SLC8A1: variants seen among roughly 807,000 people sequenced by gnomAD.
SLC8A1 encodes sodium/calcium exchanger 1.
SLC8A1 carries 18 observed loss-of-function variants against 68.3 expected under a neutral mutation model. The ratio of observed to expected loss-of-function variants is 0.26; its 90% CI spans 0.18 to 0.39. The LOEUF (loss-of-function observed/expected upper bound fraction) is 0.39. SLC8A1 is among the 10% of genes least tolerant of loss of function. The probability of loss-of-function intolerance (pLI) is 1.00; values close to 1 mark genes in which losing one functional copy is unlikely to be tolerated. For missense variants in SLC8A1, 985 were observed against 1,156.7 expected, an observed-to-expected ratio of 0.85 and a Z score of 2.15; for synonymous variants, 475 against 415.5, an observed-to-expected ratio of 1.14 and a Z score of -1.74.
intron 1 of SLC8A1, among the ~76,000 whole-genome samples, chr2:40,511,335 T>C (rs1422719014): frequency 6.6e-6 from 1 of 152,222 alleles, no homozygotes; most frequent in East Asian, 1.9e-4. Context: ...AGATATGACC[T>C]ATAATTTTTT....
chr2:40,500,411 A>T (rs1705979840), intron 1 of SLC8A1, among the ~76,000 whole-genome samples: 1 of 152,126 alleles, frequency 6.6e-6, no homozygotes, highest in Admixed American at 6.6e-5. Flanking sequence ...AGACAGATTA[A>T]CTTATTAAAA....
At chr2:40,414,959 A>G (rs1027061985) in intron 2 of SLC8A1, among the ~76,000 whole-genome samples, 2 of 152,196 alleles carry the variant, frequency 1.3e-5, no homozygotes, top group African/African-American at 4.8e-5. Context: ...AAGGCCACAG[A>G]CAGATTTATG....
intron 1 of SLC8A1, among the ~76,000 whole-genome samples, chr2:40,449,168 C>CA (rs374200670): frequency 7.3e-6 from 1 of 137,640 alleles, no homozygotes; most frequent in African/African-American, 2.6e-5. Context: ...AAACAAAAAA[C>CA]AAAAAACAAC....
intron 2 of SLC8A1, among the ~76,000 whole-genome samples, chr2:40,307,947 CAGG>C (rs1371241960): frequency 3.3e-5 from 5 of 151,576 alleles, no homozygotes; most frequent in African/African-American, 7.3e-5. Flanking sequence ...TCATGAAGAG[CAGG>C]AGAAGAAGAC....
At chr2:40,242,620 ACTT>A (rs1200905642) in intron 2 of SLC8A1, among the ~76,000 whole-genome samples, 2 of 152,184 alleles carry the variant, frequency 1.3e-5, no homozygotes, top group African/African-American at 4.8e-5. Context: ...AGCTGCCACC[ACTT>A]CTTTGCATTA....
chr2:40,413,350 C>A (rs1307902218), intron 2 of SLC8A1, among the ~76,000 whole-genome samples: 2 of 152,068 alleles, frequency 1.3e-5, no homozygotes, highest in Admixed American at 1.3e-4. Flanking sequence ...TTGGAACTAA[C>A]CCAAATGTCC....
chr2:40,228,961 G>C (rs1046117138), intron 2 of SLC8A1, among the ~76,000 whole-genome samples: 1 of 151,992 alleles, frequency 6.6e-6, no homozygotes, highest in Admixed American at 6.6e-5. Flanking sequence ...CCATAAGAAA[G>C]GAAAAGCAAG....
At chr2:40,145,505 G>C (rs1218353960) in intron 6 of SLC8A1, among the ~76,000 whole-genome samples, 2 of 152,144 alleles carry the variant, frequency 1.3e-5, no homozygotes, top group Non-Finnish European at 2.9e-5. Context: ...ATTCTTTCCA[G>C]GCACTCAGTA....
intron 1 of SLC8A1, among the ~76,000 whole-genome samples, chr2:40,470,463 CATT>C (rs1703934871): frequency 6.6e-6 from 1 of 151,772 alleles, no homozygotes; most frequent in South Asian, 2.1e-4. Flanking sequence ...TAGGCTAAGA[CATT>C]ATTATAACCA....
At chr2:40,364,238 G>C (rs1470828694) in intron 2 of SLC8A1, among the ~76,000 whole-genome samples, 2 of 151,938 alleles carry the variant, frequency 1.3e-5, no homozygotes, top group Non-Finnish European at 2.9e-5. Context: ...CTCAGTATAT[G>C]AATTAACTGA....
chr2:40,098,548 T>G (rs1296743710), exon 8 of SLC8A1: 1 of 152,026 alleles, frequency 6.6e-6, no homozygotes, highest in East Asian at 1.9e-4. Context: ...TTTTGATGCT[T>G]TTCATATTAG....
intron 2 of SLC8A1, among the ~76,000 whole-genome samples, chr2:40,282,389 G>A (rs548305811): frequency 1.3e-5 from 2 of 152,232 alleles, no homozygotes; most frequent in South Asian, 4.1e-4. Context: ...GGTAAAGACT[G>A]TCTCTTCTGT....
At chr2:40,153,926 C>G (rs191984468) in intron 6 of SLC8A1, among the ~76,000 whole-genome samples, 1 of 152,182 alleles carries the variant, frequency 6.6e-6, no homozygotes, top group Admixed American at 6.5e-5. Flanking sequence ...CCATGTGTAA[C>G]TGAGATTAAA....
At chr2:40,212,264 A>C (rs182714280) in intron 2 of SLC8A1, among the ~76,000 whole-genome samples, 1 of 148,570 alleles carries the variant, frequency 6.7e-6, no homozygotes, top group Non-Finnish European at 1.5e-5. Flanking sequence ...CCAGGTGCTA[A>C]ACAGAAGAGA....
chr2:40,239,904 GA>G (rs1313857346), intron 2 of SLC8A1, among the ~76,000 whole-genome samples: 4 of 152,114 alleles, frequency 2.6e-5, no homozygotes, highest in Non-Finnish European at 5.9e-5. Context: ...CATGGAAACC[GA>G]ACGAATATCT....
chr2:40,175,622 GT>G (rs1452313229), intron 3 of SLC8A1, among the ~76,000 whole-genome samples: 1 of 152,018 alleles, frequency 6.6e-6, no homozygotes, highest in Non-Finnish European at 1.5e-5. Context: ...ACCAAATACA[GT>G]GGAAACATTG....
At chr2:40,361,628 C>T (rs1322279543) in intron 2 of SLC8A1, among the ~76,000 whole-genome samples, 1 of 151,936 alleles carries the variant, frequency 6.6e-6, no homozygotes, top group East Asian at 1.9e-4. Flanking sequence ...CTGTAGGGTA[C>T]CTCACTGCCT....
chr2:40,323,607 T>C (rs1323235210), intron 2 of SLC8A1, among the ~76,000 whole-genome samples: 1 of 152,082 alleles, frequency 6.6e-6, no homozygotes, highest in Non-Finnish European at 1.5e-5. Context: ...TAATGCAAAA[T>C]TAACAGAGTA....
At chr2:40,213,360 A>G (rs1290571749) in intron 2 of SLC8A1, 2 of 152,216 alleles carry the variant, frequency 1.3e-5, no homozygotes, top group African/African-American at 4.8e-5. Flanking sequence ...TGGATCCCAG[A>G]ACCACCAACT....
Sources: allele counts gnomAD v4.1 joint callset (sites outside exome capture counted in the v4.1 genomes callset), GRCh38; gene constraint gnomAD v4.1.1; transcripts MANE v1.5; gene names NCBI Gene and HGNC (gene_info 2026-07-23, HGNC 2026-07-21).